Variants in SKIC3 observed in about 807,000 individuals in gnomAD.
The protein encoded by SKIC3 is superkiller complex protein 3.
At chr5:95,480,161 A>G in the SKIC3 span, among the ~76,000 whole-genome samples, 1 of 152,282 alleles carries the variant, frequency 6.6e-6, no homozygotes, top group East Asian at 1.9e-4. Flanking sequence ...ATTAAAAAAA[A>G]CTTCATGAAC....
the SKIC3 span, among the ~76,000 whole-genome samples, chr5:95,483,029 T>C: frequency 0.16 from 23,650 of 152,078 alleles, 2,558 homozygotes; most frequent in African/African-American, 0.3. Context: ...AAAAGAGGCA[T>C]ACATTTTTTT....
chr5:95,514,765 C>T, the SKIC3 span: 3 of 1,357,144 alleles, frequency 2.2e-6, no homozygotes, highest in Admixed American at 5.6e-5. Context: ...CCCTCAAATG[C>T]TATCCGTTAC....
the SKIC3 span, chr5:95,509,599 G>A: frequency 6.2e-7 from 1 of 1,607,282 alleles, no homozygotes; most frequent in Admixed American, 1.7e-5. Context: ...TTTACCTTTG[G>A]TATGCATTTG....
the SKIC3 span, among the ~76,000 whole-genome samples, chr5:95,505,968 G>T: frequency 6.6e-6 from 1 of 152,056 alleles, no homozygotes; most frequent in African/African-American, 2.4e-5. Flanking sequence ...AAAAAAATCT[G>T]TTTTCAATGG....
At chr5:95,548,397 A>G in the SKIC3 span, among the ~76,000 whole-genome samples, 42 of 152,172 alleles carry the variant, frequency 2.8e-4, no homozygotes, top group Admixed American at 2.7e-3. Context: ...AAAAAATGTT[A>G]GGATTCAAAA....
At chr5:95,488,128 G>T in the SKIC3 span, among the ~76,000 whole-genome samples, 2 of 151,878 alleles carry the variant, frequency 1.3e-5, 1 homozygote, top group South Asian at 4.2e-4. Flanking sequence ...AAACAACCTA[G>T]TGAGACAAAA....
the SKIC3 span, chr5:95,543,222 C>T: frequency 6.2e-7 from 1 of 1,614,014 alleles, no homozygotes; most frequent in Non-Finnish European, 8.5e-7. Context: ...AATTCAGCAG[C>T]TTTTTTATAG....
At chr5:95,537,204 A>C in the SKIC3 span, 1 of 1,380,704 alleles carries the variant, frequency 7.2e-7, no homozygotes, top group Non-Finnish European at 1.0e-6. Flanking sequence ...TAAATGTATA[A>C]GACTCTCTTA....
chr5:95,528,962 G>C, the SKIC3 span: 2 of 1,537,744 alleles, frequency 1.3e-6, no homozygotes, highest in Non-Finnish European at 9.0e-7. Context: ...AATAGGGTTG[G>C]TCACCCTTAT....
chr5:95,533,819 A>C, the SKIC3 span, among the ~76,000 whole-genome samples: 1 of 152,148 alleles, frequency 6.6e-6, no homozygotes, highest in African/African-American at 2.4e-5. Flanking sequence ...AACTCTGTAG[A>C]CTATTGTTGA....
chr5:95,499,730 T>C, the SKIC3 span, among the ~76,000 whole-genome samples: 4 of 152,204 alleles, frequency 2.6e-5, no homozygotes, highest in African/African-American at 2.4e-5. Flanking sequence ...CTCTATGGTA[T>C]TGAAACCAGC....
At chr5:95,528,119 C>G in the SKIC3 span, 2 of 1,613,778 alleles carry the variant, frequency 1.2e-6, no homozygotes, top group South Asian at 2.2e-5. Context: ...AAGACTGTTA[C>G]CAGACGCACC....
At chr5:95,517,376 T>G in the SKIC3 span, 1 of 1,569,570 alleles carries the variant, frequency 6.4e-7, no homozygotes, top group Non-Finnish European at 8.7e-7. Flanking sequence ...AGCATGAAGT[T>G]TATCTCCCTG....
the SKIC3 span, chr5:95,469,741 A>C: frequency 6.2e-7 from 1 of 1,612,486 alleles, no homozygotes; most frequent in South Asian, 1.1e-5. Flanking sequence ...ATTTAAAGTG[A>C]AGAAGCATTT....
the SKIC3 span, chr5:95,536,855 T>A: frequency 6.2e-7 from 1 of 1,613,692 alleles, no homozygotes; most frequent in Non-Finnish European, 8.5e-7. Flanking sequence ...TTCTAATGGA[T>A]ACTGTACAGT....
the SKIC3 span, among the ~76,000 whole-genome samples, chr5:95,549,329 T>A: frequency 6.6e-6 from 1 of 151,884 alleles, no homozygotes; most frequent in Admixed American, 6.6e-5. Context: ...GAAAATTAGG[T>A]TGGGTAGGTA....
chr5:95,532,311 C>T, the SKIC3 span, among the ~76,000 whole-genome samples: 7 of 152,020 alleles, frequency 4.6e-5, no homozygotes, highest in Admixed American at 2.0e-4. Context: ...GTAAACCTTC[C>T]TAACATATTT....
the SKIC3 span, among the ~76,000 whole-genome samples, chr5:95,471,244 A>G: frequency 6.6e-6 from 1 of 152,206 alleles, no homozygotes; most frequent in Non-Finnish European, 1.5e-5. Flanking sequence ...AACCAGTAAC[A>G]TAAAACTCTC....
chr5:95,479,402 T>C, the SKIC3 span, among the ~76,000 whole-genome samples: 1 of 152,130 alleles, frequency 6.6e-6, no homozygotes, highest in East Asian at 1.9e-4. Context: ...CAAATTAAAC[T>C]GTAGATTCTA....
Sources: gnomAD v4.1 joint callset for allele counts (sites outside exome capture counted in the v4.1 genomes callset) on GRCh38, gnomAD v4.1.1 for gene constraint, MANE v1.5 for transcripts, NCBI Gene and HGNC (gene_info 2026-07-23, HGNC 2026-07-21) for gene names.